ZFHX3: variants seen among roughly 807,000 people sequenced by gnomAD.
ZFHX3 encodes zinc finger homeobox 3, also known as zinc finger homeobox protein 3.
ZFHX3 carries 42 observed loss-of-function variants against 279.1 expected under a neutral mutation model. The observed-to-expected ratio is 0.15, with a 90% CI of 0.12 to 0.19. The LOEUF is 0.19. Among genes scored for constraint, ZFHX3 ranks in the 10% least tolerant of loss-of-function variants. The pLI, the probability that ZFHX3 is intolerant of heterozygous loss-of-function variation, is 1.00. For synonymous variants in ZFHX3, 2,293 were observed against 1,957.8 expected, an observed-to-expected ratio of 1.17 and a Z score of -4.52; for missense variants, 4,981 against 4,754.0, an observed-to-expected ratio of 1.05 and a Z score of -1.40.
chr16:73,791,666 G>T (rs941590693), intron 1 of ZFHX3, among the ~76,000 whole-genome samples: 1 of 150,190 alleles, frequency 6.7e-6, no homozygotes, highest in Non-Finnish European at 1.5e-5. Context: ...CTCGTGTTCC[G>T]TCCACCTCGG....
In ZFHX3 at chr16:73,015,274, T is replaced by G. The variant is rs1280786459; in HGVS notation, c.-50+32478A>C. On this transcript the variant is annotated intron_variant, in intron 1 of 9. Coordinates refer to ENST00000268489, the MANE Select transcript of ZFHX3 (RefSeq NM_006885.4). ...GTTGCCCAGGTTGGTCTCTAACTCC[T>G]GGGTTCAAGTGATCCACCCACTTCA... 3 of 151,828 alleles carry G rather than the reference T, an allele frequency of 2.0e-5. No individual in the cohort carries two copies. The East Asian group carries it at 5.9e-4, about 30-fold the overall frequency. 9.4% of individuals were successfully genotyped at this position (151,828 alleles called of 1,614,324 possible).
At chr16:73,346,860 T>C (rs780478875) in intron 3 of ZFHX3, among the ~76,000 whole-genome samples, 3 of 152,180 alleles carry the variant, frequency 2.0e-5, no homozygotes, top group Admixed American at 6.5e-5. Flanking sequence ...AGGAGACTTC[T>C]CTCCTCCCTA....
rs1172631360 is a variant in ZFHX3, at chr16:72,797,205, C to A, written c.5477G>T (p.Gly1826Val). ...PVTSGALTLT[G>V]TGPGLLEDLK... ...ATCTTCCAGCAGGCCTGGGCCTGTC[C>A]CAGTCAGTGTCAGTGCCCCACTGGT... The change falls in exon 9 of 10, where the codon GGG becomes GTG. Residue 1826 changes from glycine (G) to valine (V), a missense_variant. Physicochemically the swap from Gly to Val is moderately radical, Grantham distance 109. Around this residue, in one of 7 missense-constraint regions of ZFHX3, gnomAD observed 1,751 missense variants for 1,770.0 expected, o/e 0.99. Transcript: ENST00000268489. The A allele has an allele frequency of 1.2e-6, 2 of 1,614,062 alleles. No individual in the cohort carries two copies. The highest frequency in any genetic ancestry group is 8.5e-7 in the Non-Finnish European group (1 of 1,180,020).
chr16:72,982,176 C>T (rs975172062), intron 1 of ZFHX3, among the ~76,000 whole-genome samples: 1 of 152,136 alleles, frequency 6.6e-6, no homozygotes, highest in African/African-American at 2.4e-5. Flanking sequence ...AGCCACAGCG[C>T]CCAGCCTTTC....
intron 4 of ZFHX3, among the ~76,000 whole-genome samples, chr16:73,292,294 T>C (rs560313671): frequency 7.0e-4 from 107 of 152,202 alleles, no homozygotes; most frequent in African/African-American, 2.4e-3. Flanking sequence ...TGGGTATAGA[T>C]ATTTCTCCAG....
intron 5 of ZFHX3, among the ~76,000 whole-genome samples, chr16:73,207,420 C>T (rs1044932789): frequency 6.6e-6 from 1 of 152,126 alleles, no homozygotes; most frequent in African/African-American, 2.4e-5. Flanking sequence ...CCTGTGGTTT[C>T]AACATTCTGT....
intron 7 of ZFHX3, among the ~76,000 whole-genome samples, chr16:72,806,390 GA>G (rs572715636): frequency 1.3e-5 from 2 of 152,198 alleles, no homozygotes; most frequent in African/African-American, 2.4e-5. Context: ...AACTGAGAAG[GA>G]GAATGAATTG....
At chr16:73,204,481 C>T (rs73597318) in intron 5 of ZFHX3, among the ~76,000 whole-genome samples, 2,903 of 152,256 alleles carry the variant, frequency 0.019, 59 homozygotes, top group African/African-American at 0.057. Context: ...AGGGTTTGTG[C>T]TCCTGTGAGA....
At chr16:73,129,174 T>G (rs1005398778) in intron 7 of ZFHX3, among the ~76,000 whole-genome samples, 5 of 151,922 alleles carry the variant, frequency 3.3e-5, no homozygotes, top group African/African-American at 4.8e-5. Flanking sequence ...TCACTTGAGG[T>G]CGGGAGTTTC....
At chr16:73,119,332 TC>T (rs1410205010) in intron 7 of ZFHX3, among the ~76,000 whole-genome samples, 1 of 152,108 alleles carries the variant, frequency 6.6e-6, no homozygotes, top group African/African-American at 2.4e-5. Flanking sequence ...GTCTCCAACT[TC>T]TGGGCTCAAG....
intron 1 of ZFHX3, among the ~76,000 whole-genome samples, chr16:73,764,949 T>C (rs2142286008): frequency 6.6e-6 from 1 of 152,332 alleles, no homozygotes; most frequent in Admixed American, 6.5e-5. Flanking sequence ...CAGTTCAGGA[T>C]TATCTCAACG....
chr16:72,831,960 C>G (rs2044331645), intron 4 of ZFHX3, among the ~76,000 whole-genome samples: 1 of 152,154 alleles, frequency 6.6e-6, no homozygotes, highest in Non-Finnish European at 1.5e-5. Context: ...TTTGCAATCT[C>G]CAGCATAAAT....
intron 7 of ZFHX3, among the ~76,000 whole-genome samples, chr16:72,810,563 T>C (rs2036415064): frequency 6.6e-6 from 1 of 152,244 alleles, no homozygotes. Flanking sequence ...TGAAAAGTTT[T>C]TATATTACAA....
Position 72,922,199 on chromosome 16 carries a change from C to G in ZFHX3, c.3216+28270G>C, listed in dbSNP as rs1423860266. ...AACTTTAATCACAGGGGGTGACACC[C>G]AGACTACCCTATCTTTACTCCTCTC... On this transcript the variant is annotated intron_variant, in intron 3 of 9. Coordinates refer to ENST00000268489, the MANE Select transcript of ZFHX3 (RefSeq NM_006885.4). 4.6e-5 allele frequency among the ~76,000 whole-genome samples: 7 copies of G among 152,192 alleles called. No homozygotes were observed. The South Asian group carries it at 1.4e-3, about 31-fold the overall frequency.
At chr16:73,077,408 C>T (rs1224608445) in intron 8 of ZFHX3, among the ~76,000 whole-genome samples, 4 of 151,816 alleles carry the variant, frequency 2.6e-5, no homozygotes, top group African/African-American at 7.3e-5. Flanking sequence ...CTGCGCACTT[C>T]CCTGTTTCTT....
chr16:73,704,059 C>T (rs1431164371), intron 1 of ZFHX3, among the ~76,000 whole-genome samples: 1 of 152,058 alleles, frequency 6.6e-6, no homozygotes, highest in African/African-American at 2.4e-5. Flanking sequence ...CTCCTAGTAG[C>T]AGTCACAAAG....
intron 3 of ZFHX3, among the ~76,000 whole-genome samples, chr16:72,949,295 G>T (rs1245968980): frequency 2.0e-5 from 3 of 152,172 alleles, no homozygotes; most frequent in African/African-American, 7.2e-5. Context: ...GCCCAAAGAC[G>T]CGAGAAACAG....
At chr16:73,849,893 C>T (rs984191473) in intron 1 of ZFHX3, among the ~76,000 whole-genome samples, 2 of 152,146 alleles carry the variant, frequency 1.3e-5, no homozygotes, top group African/African-American at 2.4e-5. Flanking sequence ...CCACCATGCC[C>T]GGCTAATTTT....
chr16:73,474,024 G>A (rs1429555410), intron 2 of ZFHX3, among the ~76,000 whole-genome samples: 1 of 152,016 alleles, frequency 6.6e-6, no homozygotes, highest in South Asian at 2.1e-4. Flanking sequence ...ATGGCTACTG[G>A]GTCCTAAAAG....
Sources: gnomAD v4.1 joint callset for allele counts (sites outside exome capture counted in the v4.1 genomes callset) on GRCh38, gnomAD v4.1.1 for gene constraint, gnomAD v4.1.1 regional missense constraint, MANE v1.5 for transcripts, NCBI Gene and HGNC (gene_info 2026-07-23, HGNC 2026-07-21) for gene names.